GRIN2A: variants seen among roughly 807,000 people sequenced by gnomAD.
The protein encoded by GRIN2A is glutamate receptor ionotropic, NMDA 2A.
A neutral mutation model predicts 113.4 loss-of-function variants in GRIN2A; 22 were observed. The ratio of observed to expected loss-of-function variants is 0.19; its 90% CI spans 0.14 to 0.28. The LOEUF is 0.28. GRIN2A is among the 10% of genes least tolerant of loss of function. The pLI is 1.00. For missense variants in GRIN2A, 1,502 were observed against 1,887.0 expected, an observed-to-expected ratio of 0.80 and a Z score of 3.78; for synonymous variants, 827 against 738.4, an observed-to-expected ratio of 1.12 and a Z score of -1.94.
At chr16:10,155,994 G>A (rs2142309123) in intron 2 of GRIN2A, among the ~76,000 whole-genome samples, 1 of 152,232 alleles carries the variant, frequency 6.6e-6, no homozygotes, top group Non-Finnish European at 1.5e-5. Context: ...TCAAAAGAAG[G>A]GGCAAGAATA....
chr16:9,869,752 C>T (rs1387972561), intron 4 of GRIN2A, among the ~76,000 whole-genome samples: 2 of 152,194 alleles, frequency 1.3e-5, no homozygotes, highest in Non-Finnish European at 2.9e-5. Context: ...AACTATCTGC[C>T]ACATAGTCCC....
intron 4 of GRIN2A, among the ~76,000 whole-genome samples, chr16:9,863,068 A>T (rs564108118): frequency 1.3e-5 from 2 of 152,340 alleles, no homozygotes; most frequent in South Asian, 4.2e-4. Context: ...CCCAAGATCA[A>T]ACAGCAAGTG....
At chr16:10,025,276 T>A (rs891533646) in intron 2 of GRIN2A, among the ~76,000 whole-genome samples, 2 of 146,484 alleles carry the variant, frequency 1.4e-5, no homozygotes, top group African/African-American at 2.5e-5. Flanking sequence ...ATTTGCCAGA[T>A]CAGGGACGCA....
chr16:10,166,562 TC>T (rs1317851036), intron 2 of GRIN2A, among the ~76,000 whole-genome samples: 1 of 152,164 alleles, frequency 6.6e-6, no homozygotes, highest in East Asian at 1.9e-4. Context: ...AAGCTGTCCC[TC>T]CTCTGCATTC....
chr16:10,178,427 C>T (rs1472622211), intron 2 of GRIN2A, among the ~76,000 whole-genome samples: 4 of 152,138 alleles, frequency 2.6e-5, no homozygotes, highest in Non-Finnish European at 4.4e-5. Flanking sequence ...TTGGCAAATT[C>T]CCTTAACTCC....
chr16:10,096,559 C>CACACACACACACACACAT (rs1555478926), intron 2 of GRIN2A, among the ~76,000 whole-genome samples: 5 of 151,698 alleles, frequency 3.3e-5, no homozygotes, highest in South Asian at 2.1e-4. Context: ...CACACACACA[C>CACACACACACACACACAT]ACACACACAC....
chr16:9,983,930 G>A (rs1432437955), intron 2 of GRIN2A, among the ~76,000 whole-genome samples: 3 of 152,232 alleles, frequency 2.0e-5, no homozygotes, highest in African/African-American at 7.2e-5. Flanking sequence ...CCCAGTAATG[G>A]GGTTGCTGGA....
chr16:9,898,730 AC>A (rs1217401967), intron 3 of GRIN2A, among the ~76,000 whole-genome samples: 2 of 130,266 alleles, frequency 1.5e-5, no homozygotes, highest in East Asian at 3.9e-4. Context: ...GTTTTTGAAA[AC>A]ACAGTCAGTT....
intron 11 of GRIN2A, among the ~76,000 whole-genome samples, chr16:9,784,478 A>C (rs7190738): frequency 0.21 from 31,605 of 149,332 alleles, 4,129 homozygotes; most frequent in Non-Finnish European, 0.29. Flanking sequence ...ACCTAAAACC[A>C]TAAAAACCCT....
chr16:10,163,907 G>C (rs2049855506), intron 2 of GRIN2A, among the ~76,000 whole-genome samples: 1 of 152,184 alleles, frequency 6.6e-6, no homozygotes, highest in Non-Finnish European at 1.5e-5. Context: ...AATCAGACTG[G>C]TGGGAAAAAT....
chr16:10,181,841 C>T lies in GRIN2A; in HGVS notation c.-19+36G>A, dbSNP rs2302711. 0.67 allele frequency: 102,345 copies of T among 153,068 alleles called. 34,923 individuals carry two copies. The highest frequency in any genetic ancestry group is 0.96 in the East Asian group (4,938 of 5,168). 9.5% of individuals were successfully genotyped at this position (153,068 alleles called of 1,614,324 possible). ...CCTCCGGTCGAGTCTCCCTCCTCCC[C>T]GGCCCAAGGAGCCCTGATCTCCCTC... On this transcript the variant is annotated intron_variant, in intron 1 of 12. Transcript: ENST00000330684.
intron 2 of GRIN2A, among the ~76,000 whole-genome samples, chr16:10,167,531 CA>C (rs199946382): frequency 1.3e-5 from 2 of 149,896 alleles, no homozygotes; most frequent in African/African-American, 2.4e-5. Flanking sequence ...CCGACTTCAG[CA>C]AAAAAAAATC....
At chr16:10,026,115 A>C (rs193211423) in intron 2 of GRIN2A, among the ~76,000 whole-genome samples, 1 of 152,308 alleles carries the variant, frequency 6.6e-6, no homozygotes, top group East Asian at 1.9e-4. Context: ...TATCTAGAGC[A>C]TGAGGACACA....
chr16:9,843,733 T>G (rs554491444), intron 5 of GRIN2A, among the ~76,000 whole-genome samples: 1 of 151,640 alleles, frequency 6.6e-6, no homozygotes, highest in Non-Finnish European at 1.5e-5. Flanking sequence ...TCCACCACCC[T>G]TAGTGGGGGG....
At chr16:10,039,625 G>A (rs2047105324) in intron 2 of GRIN2A, among the ~76,000 whole-genome samples, 1 of 151,680 alleles carries the variant, frequency 6.6e-6, no homozygotes. Flanking sequence ...GCGCGGGGAG[G>A]GTCTGCGCGG....
intron 2 of GRIN2A, among the ~76,000 whole-genome samples, chr16:9,961,333 G>T (rs1011545085): frequency 6.6e-6 from 1 of 152,106 alleles, no homozygotes; most frequent in Admixed American, 6.6e-5. Context: ...GGGGGTGCAG[G>T]GGTGGGGGAT....
intron 2 of GRIN2A, among the ~76,000 whole-genome samples, chr16:10,001,863 G>A (rs979759933): frequency 1.2e-4 from 19 of 152,078 alleles, no homozygotes; most frequent in Non-Finnish European, 2.6e-4. Context: ...CCACCACAAC[G>A]GCCTTTGAGA....
intron 4 of GRIN2A, among the ~76,000 whole-genome samples, chr16:9,868,892 G>C (rs2043208315): frequency 6.6e-6 from 1 of 152,138 alleles, no homozygotes; most frequent in Non-Finnish European, 1.5e-5. Context: ...CCCACTCTCT[G>C]CCTGGCACTC....
intron 2 of GRIN2A, among the ~76,000 whole-genome samples, chr16:9,993,418 T>C (rs1182316879): frequency 1.3e-5 from 2 of 151,920 alleles, no homozygotes; most frequent in African/African-American, 2.4e-5. Context: ...TAGCAGAGTA[T>C]GGTGGCCTGC....
Sources: gnomAD v4.1 joint callset for allele counts (sites outside exome capture counted in the v4.1 genomes callset) on GRCh38, gnomAD v4.1.1 for gene constraint, MANE v1.5 for transcripts, NCBI Gene and HGNC (gene_info 2026-07-23, HGNC 2026-07-21) for gene names.